The following MAST4 variants were observed in gnomAD, a reference collection of about 807,000 sequenced individuals.
MAST4 encodes the protein microtubule-associated serine/threonine-protein kinase 4.
In MAST4, 89 loss-of-function variants were observed where a neutral mutation model predicts 162.7. The ratio of observed to expected loss-of-function variants is 0.55; its 90% CI spans 0.46 to 0.65. MAST4 has a LOEUF of 0.65. Among genes scored for constraint, MAST4 ranks in the 30% least tolerant of loss-of-function variants. MAST4 has a pLI of 0.00. For synonymous variants in MAST4, 1,479 were observed against 1,361.1 expected (o/e 1.09, Z -1.91); for missense variants, 3,153 against 3,374.0 (o/e 0.93, Z 1.62).
chr5:66,641,765 A>G lies in MAST4; in HGVS notation c.363+44747A>G, dbSNP rs183963088. Reference sequence around the variant, plus strand: ...TATAAATGTGACAGTTTGGAGATCAATAAAAATAACAACTATAGAGGGTTG... The same window carrying G: ...TATAAATGTGACAGTTTGGAGATCAGTAAAAATAACAACTATAGAGGGTTG... On this transcript the variant is annotated intron_variant, in intron 1 of 28. Transcript: ENST00000403625. 4.0e-4 allele frequency among the ~76,000 whole-genome samples: 60 copies of G among 151,802 alleles called. No individual in the cohort carries two copies. In the East Asian group the frequency reaches 0.011, roughly 28 times the overall value.
At chr5:66,751,412 T>G (rs1442777534) in intron 1 of MAST4, among the ~76,000 whole-genome samples, 1 of 152,100 alleles carries the variant, frequency 6.6e-6, no homozygotes, top group South Asian at 2.1e-4. Flanking sequence ...TTTAGAAGAA[T>G]GTATAACTAG....
intron 4 of MAST4, among the ~76,000 whole-genome samples, chr5:67,036,235 C>T (rs1201641628): frequency 1.3e-5 from 2 of 152,034 alleles, no homozygotes; most frequent in East Asian, 3.9e-4. Context: ...TGCCCACCCT[C>T]TCTAGCTTCT....
At chr5:66,856,681 T>C (rs1288841396) in intron 3 of MAST4, among the ~76,000 whole-genome samples, 2 of 152,226 alleles carry the variant, frequency 1.3e-5, no homozygotes, top group East Asian at 3.8e-4. Context: ...ATTTTGCTTA[T>C]ATCTGATTTT....
chr5:66,733,551 G>A (rs1443591644), intron 1 of MAST4, among the ~76,000 whole-genome samples: 2 of 151,992 alleles, frequency 1.3e-5, no homozygotes, highest in East Asian at 3.9e-4. Context: ...CCTCCGCCTC[G>A]GGTTCAAGCA....
At chr5:66,745,693 G>C (rs181512574) in intron 1 of MAST4, among the ~76,000 whole-genome samples, 121 of 152,248 alleles carry the variant, frequency 7.9e-4, no homozygotes, top group Non-Finnish European at 1.5e-3. Context: ...CTGTAGAATT[G>C]CTTGTACCTG....
intron 5 of MAST4, among the ~76,000 whole-genome samples, chr5:67,083,772 T>C (rs186255639): frequency 9.2e-5 from 14 of 152,306 alleles, no homozygotes; most frequent in African/African-American, 3.4e-4. Context: ...GGCTATGTTC[T>C]TACCTCCCTT....
chr5:66,951,429 A>G (rs1455799052), intron 4 of MAST4, among the ~76,000 whole-genome samples: 1 of 152,042 alleles, frequency 6.6e-6, no homozygotes, highest in Non-Finnish European at 1.5e-5. Context: ...CTTTTATCTT[A>G]TGGGAAATCA....
intron 7 of MAST4, among the ~76,000 whole-genome samples, chr5:67,097,970 T>C (rs1437305712): frequency 6.6e-6 from 1 of 152,152 alleles, no homozygotes; most frequent in East Asian, 1.9e-4. Context: ...TAAAACTTCT[T>C]AGTAGTTGCA....
At chr5:66,752,268 TG>T (rs1221001680) in intron 1 of MAST4, among the ~76,000 whole-genome samples, 1 of 152,034 alleles carries the variant, frequency 6.6e-6, no homozygotes, top group Non-Finnish European at 1.5e-5. Flanking sequence ...AACATCATAA[TG>T]ACAGGATCAA....
chr5:67,167,595 C>G lies in MAST4; in HGVS notation c.*544C>G, dbSNP rs1774198360. ...TTCCATTTTTATAAGCTAAAACATTCTAAGTTAAGATGGAAGAAAGCCCTA... is the reference window on the plus strand; with the variant it reads ...TTCCATTTTTATAAGCTAAAACATTGTAAGTTAAGATGGAAGAAAGCCCTA... On this transcript the variant is annotated 3_prime_UTR_variant, in exon 29 of 29. Coordinates refer to ENST00000403625, the MANE Select transcript of MAST4 (RefSeq NM_001164664.2). 1 of 152,152 alleles carries G rather than the reference C, an allele frequency of 6.6e-6. No individual in the cohort carries two copies. Among genetic ancestry groups the G allele is most frequent in the Non-Finnish European group, 1.5e-5 (1 of 68,042 alleles). The allele number at this position is 152,152 out of a possible 1,614,324, so 9.4% of individuals were successfully genotyped here.
intron 4 of MAST4, chr5:66,916,963 G>T: frequency 1.4e-6 from 1 of 717,754 alleles, no homozygotes; most frequent in Non-Finnish European, 2.6e-6. Context: ...CTTACGTACT[G>T]GTCCTTTTTT....
chr5:67,005,025 T>C (rs758337031), intron 4 of MAST4: 1 of 775,156 alleles, frequency 1.3e-6, no homozygotes, highest in Admixed American at 1.7e-5. Flanking sequence ...TTTTGGACTG[T>C]GCTCTCAAAC....
At chr5:67,002,041 C>T (rs1751353191) in intron 4 of MAST4, 1 of 152,056 alleles carries the variant, frequency 6.6e-6, no homozygotes, top group African/African-American at 2.4e-5. Flanking sequence ...CCCTCTTGAT[C>T]TTGGATACCT....
intron 4 of MAST4, among the ~76,000 whole-genome samples, chr5:66,953,639 T>C (rs895636111): frequency 1.3e-5 from 2 of 151,816 alleles, no homozygotes; most frequent in African/African-American, 4.8e-5. Context: ...AAATGTGGCA[T>C]GAGAAGCAAA....
At chr5:66,694,119 C>A (rs1344415988) in intron 1 of MAST4, among the ~76,000 whole-genome samples, 1 of 152,136 alleles carries the variant, frequency 6.6e-6, no homozygotes, top group Non-Finnish European at 1.5e-5. Context: ...TCAGAATCGT[C>A]AGGGAGCGCA....
At chr5:66,765,420 C>T (rs868488564) in intron 2 of MAST4, among the ~76,000 whole-genome samples, 1 of 152,178 alleles carries the variant, frequency 6.6e-6, no homozygotes, top group Middle Eastern at 3.4e-3. Context: ...TCACCTAATA[C>T]AATGTAAATA....
intron 4 of MAST4, among the ~76,000 whole-genome samples, chr5:67,017,180 C>T (rs1753400545): frequency 6.6e-6 from 1 of 152,136 alleles, no homozygotes; most frequent in Admixed American, 6.5e-5. Flanking sequence ...CTACAACACA[C>T]AAAGGACACA....
At chr5:67,049,069 A>ACG (rs1349958674) in intron 4 of MAST4, among the ~76,000 whole-genome samples, 13 of 142,438 alleles carry the variant, frequency 9.1e-5, no homozygotes, top group African/African-American at 2.9e-4. Context: ...ACGTATATAT[A>ACG]TATATATATA....
chr5:66,760,010 C>A, intron 2 of MAST4, 148 bp downstream of exon 2: 1 of 761,912 alleles, frequency 1.3e-6, no homozygotes. Flanking sequence ...ATCCAGAAAG[C>A]AGTTAAATTG....
Sources: gnomAD v4.1 joint callset for allele counts (sites outside exome capture counted in the v4.1 genomes callset) on GRCh38, gnomAD v4.1.1 for gene constraint, MANE v1.5 for transcripts, NCBI Gene and HGNC (gene_info 2026-07-23, HGNC 2026-07-21) for gene names.